TTC28: variants seen among roughly 807,000 people sequenced by gnomAD.
TTC28 encodes tetratricopeptide repeat domain 28.
Under a neutral mutation model 198.0 loss-of-function variants are expected in TTC28, and 61 were observed. The ratio of observed to expected loss-of-function variants is 0.31; its 90% CI spans 0.25 to 0.38. TTC28 has a LOEUF of 0.38. Among genes scored for constraint, TTC28 ranks in the 10% least tolerant of loss-of-function variants. The pLI, the probability that TTC28 is intolerant of heterozygous loss-of-function variation, is 1.00. For missense variants in TTC28, 2,678 were observed against 3,164.0 expected, an observed-to-expected ratio of 0.85 and a Z score of 3.69; for synonymous variants, 1,171 against 1,297.8, an observed-to-expected ratio of 0.90 and a Z score of 2.10.
At chr22:28,384,901 G>A (rs2046553388) in intron 2 of TTC28, among the ~76,000 whole-genome samples, 1 of 152,074 alleles carries the variant, frequency 6.6e-6, no homozygotes, top group South Asian at 2.1e-4. Flanking sequence ...AGCACTTTGG[G>A]AGGCCGGGGA....
At chr22:28,399,616 A>AT (rs909685627) in intron 2 of TTC28, among the ~76,000 whole-genome samples, 2 of 150,980 alleles carry the variant, frequency 1.3e-5, no homozygotes, top group Non-Finnish European at 2.9e-5. Flanking sequence ...AGAAACTTGT[A>AT]TTATCAGCCT....
At chr22:28,617,478 G>A (rs954891379) in intron 2 of TTC28, among the ~76,000 whole-genome samples, 10 of 151,998 alleles carry the variant, frequency 6.6e-5, no homozygotes, top group African/African-American at 2.4e-4. Context: ...GGCTGACAGA[G>A]TGAGACCCTA....
intron 5 of TTC28, among the ~76,000 whole-genome samples, chr22:28,195,888 T>C (rs1207294025): frequency 3.3e-5 from 5 of 151,776 alleles, no homozygotes; most frequent in African/African-American, 2.4e-5. Flanking sequence ...TTCAGTGCCA[T>C]CTCCATTAAG....
intron 2 of TTC28, among the ~76,000 whole-genome samples, chr22:28,314,873 T>TA (rs986797471): frequency 6.6e-6 from 1 of 151,580 alleles, no homozygotes; most frequent in Non-Finnish European, 1.5e-5. Context: ...ACCTTATCTC[T>TA]AAAAAAAAGA....
intron 2 of TTC28, among the ~76,000 whole-genome samples, chr22:28,333,612 C>G (rs903258778): frequency 6.6e-6 from 1 of 152,010 alleles, no homozygotes; most frequent in Non-Finnish European, 1.5e-5. Flanking sequence ...TGTTTCTAAC[C>G]ACACTTCTAT....
chr22:28,058,520 G>C (rs902166536), intron 12 of TTC28, among the ~76,000 whole-genome samples: 3 of 151,980 alleles, frequency 2.0e-5, no homozygotes, highest in African/African-American at 7.2e-5. Flanking sequence ...TATTTGATTT[G>C]CTAATGTTTT....
intron 2 of TTC28, among the ~76,000 whole-genome samples, chr22:28,347,238 T>C (rs1432042745): frequency 1.4e-5 from 2 of 145,174 alleles, no homozygotes; most frequent in African/African-American, 2.6e-5. Flanking sequence ...CACTCCAGCC[T>C]GAGCAACAGA....
chr22:28,426,516 T>C (rs1166872505), intron 2 of TTC28, among the ~76,000 whole-genome samples: 1 of 152,150 alleles, frequency 6.6e-6, no homozygotes, highest in African/African-American at 2.4e-5. Context: ...ATAGTTACAT[T>C]CTAACCCCAA....
intron 5 of TTC28, among the ~76,000 whole-genome samples, chr22:28,273,485 T>C (rs907530840): frequency 6.6e-6 from 1 of 151,924 alleles, no homozygotes; most frequent in Non-Finnish European, 1.5e-5. Flanking sequence ...ATAGGCTTCA[T>C]AGCAAGCTGG....
intron 5 of TTC28, among the ~76,000 whole-genome samples, chr22:28,248,496 A>G (rs764293666): frequency 6.6e-6 from 1 of 152,214 alleles, no homozygotes; most frequent in African/African-American, 2.4e-5. Context: ...GATAACCAAT[A>G]TGCACCCTAC....
At chr22:28,599,515 G>A (rs541204136) in intron 2 of TTC28, among the ~76,000 whole-genome samples, 3 of 152,234 alleles carry the variant, frequency 2.0e-5, no homozygotes, top group Admixed American at 6.5e-5. Context: ...CAAGCTGGGC[G>A]TGGTGGCTCA....
intron 12 of TTC28, among the ~76,000 whole-genome samples, chr22:28,051,100 G>A (rs777783090): frequency 2.0e-5 from 3 of 152,134 alleles, no homozygotes; most frequent in Admixed American, 6.5e-5. Context: ...AACAACCGGG[G>A]GTAGGGAAGT....
chr22:28,417,360 A>C (rs2146156211), intron 2 of TTC28, among the ~76,000 whole-genome samples: 1 of 150,720 alleles, frequency 6.6e-6, no homozygotes, highest in Admixed American at 6.6e-5. Flanking sequence ...TTGCAGTCTC[A>C]GCTACTCGGG....
At chr22:28,022,388 A>G (rs1239758186) in intron 13 of TTC28, among the ~76,000 whole-genome samples, 1 of 152,146 alleles carries the variant, frequency 6.6e-6, no homozygotes, top group African/African-American at 2.4e-5. Flanking sequence ...GATCAGACAC[A>G]TGGTCCTCAC....
chr22:28,336,674 T>A (rs2045725576), intron 2 of TTC28, among the ~76,000 whole-genome samples: 3 of 152,230 alleles, frequency 2.0e-5, no homozygotes, highest in African/African-American at 4.8e-5. Flanking sequence ...TTCTGTGGTA[T>A]CGGTGGTGAT....
At chr22:28,047,373 G>A (rs1454663367) in intron 12 of TTC28, among the ~76,000 whole-genome samples, 2 of 152,180 alleles carry the variant, frequency 1.3e-5, no homozygotes, top group Non-Finnish European at 2.9e-5. Flanking sequence ...AGTGCTTCCT[G>A]GGGACCAAAT....
At chr22:27,991,077 G>A (rs766592032) in intron 19 of TTC28, among the ~76,000 whole-genome samples, 71 of 152,118 alleles carry the variant, frequency 4.7e-4, no homozygotes, top group African/African-American at 7.5e-4. Context: ...GTAGAGGCTC[G>A]GGAGGGAAAG....
intron 2 of TTC28, among the ~76,000 whole-genome samples, chr22:28,451,917 T>C (rs532327945): frequency 5.6e-4 from 86 of 152,312 alleles, no homozygotes; most frequent in Middle Eastern, 3.4e-3. Context: ...ATAGATTCAG[T>C]GGTCACATAT....
chr22:28,320,887 AAAAATAGAAGTGT>A (rs1298468911), intron 2 of TTC28, among the ~76,000 whole-genome samples: 1 of 152,224 alleles, frequency 6.6e-6, no homozygotes, highest in African/African-American at 2.4e-5. Flanking sequence ...AATAGAAGTG[AAAAATAGAAGTGT>A]AGTTTTCTGG....
Sources: allele counts gnomAD v4.1 joint callset (sites outside exome capture counted in the v4.1 genomes callset), GRCh38; gene constraint gnomAD v4.1.1; transcripts MANE v1.5; gene names NCBI Gene and HGNC (gene_info 2026-07-23, HGNC 2026-07-21).